Variants in KCNT2 observed in about 807,000 individuals in gnomAD.
The protein encoded by KCNT2 is potassium channel subfamily T member 2.
A neutral mutation model predicts 153.8 loss-of-function variants in KCNT2; 67 were observed. The observed-to-expected ratio is 0.44, with a 90% CI of 0.36 to 0.53. KCNT2 has a LOEUF of 0.53. Among genes scored for constraint, KCNT2 ranks in the 20% least tolerant of loss-of-function variants. The pLI is 0.00. For synonymous variants in KCNT2, 500 were observed against 458.8 expected (o/e 1.09, Z -1.15); for missense variants, 975 against 1,354.8 (o/e 0.72, Z 4.40).
intron 1 of KCNT2, among the ~76,000 whole-genome samples, chr1:196,495,000 C>A (rs1285752963): frequency 8.6e-5 from 13 of 151,762 alleles, no homozygotes. Context: ...AGAGCAAAGG[C>A]AATTTTGCAT....
chr1:196,447,859 A>G (rs1179116408), intron 8 of KCNT2, among the ~76,000 whole-genome samples: 1 of 151,396 alleles, frequency 6.6e-6, no homozygotes, highest in Non-Finnish European at 1.5e-5. Flanking sequence ...TACCTCTATG[A>G]GCATCTAGGC....
At chr1:196,419,988 A>G (rs1241699274) in intron 12 of KCNT2, among the ~76,000 whole-genome samples, 2 of 151,942 alleles carry the variant, frequency 1.3e-5, no homozygotes, top group African/African-American at 4.8e-5. Flanking sequence ...GTGTTTTATA[A>G]AATCCCTTTC....
At chr1:196,512,878 G>A (rs1681748651) in intron 1 of KCNT2, among the ~76,000 whole-genome samples, 1 of 152,044 alleles carries the variant, frequency 6.6e-6, no homozygotes, top group African/African-American at 2.4e-5. Context: ...CTATTCTAAG[G>A]CATGACCTTT....
At chr1:196,523,877 T>C (rs755374719) in intron 1 of KCNT2, among the ~76,000 whole-genome samples, 7 of 152,220 alleles carry the variant, frequency 4.6e-5, no homozygotes, top group Admixed American at 1.3e-4. Context: ...TACTTTGTTT[T>C]GTAAAATGTT....
At chr1:196,385,017 A>T (rs989457419) in intron 13 of KCNT2, among the ~76,000 whole-genome samples, 2 of 152,148 alleles carry the variant, frequency 1.3e-5, no homozygotes, top group Admixed American at 1.3e-4. Context: ...ATAAACTAAC[A>T]TATAAAAAAG....
chr1:196,392,551 G>C (rs182950625), intron 13 of KCNT2, among the ~76,000 whole-genome samples: 1 of 151,518 alleles, frequency 6.6e-6, no homozygotes, highest in East Asian at 1.9e-4. Flanking sequence ...TTACCATTTG[G>C]TGAAAGTCAA....
intron 1 of KCNT2, among the ~76,000 whole-genome samples, chr1:196,601,042 T>TA (rs1481931749): frequency 2.0e-5 from 3 of 152,214 alleles, no homozygotes; most frequent in South Asian, 2.1e-4. Context: ...AAGCCACATG[T>TA]AAAGCCTAGT....
At chr1:196,264,429 C>T (rs577539084) in intron 25 of KCNT2, among the ~76,000 whole-genome samples, 159 of 152,016 alleles carry the variant, frequency 1.0e-3, no homozygotes, top group Non-Finnish European at 1.9e-3. Flanking sequence ...TCTTCTCCAT[C>T]AGCTCAAGAT....
At position 196,592,421 on chromosome 1, in the gene KCNT2, T is replaced by C. The variant is rs979662506; in HGVS notation, c.95+15794A>G. On this transcript the variant is annotated intron_variant, in intron 1 of 27. Transcript: ENST00000294725. ...ATGGGTACCAAAGATAAAAAAGATA[T>C]ATATATATAATCTTATTCATTCTAA... Among the ~76,000 whole-genome samples the C allele has an allele frequency of 9.4e-5, 14 of 149,032 alleles. 1 individual carries two copies. The highest frequency in any genetic ancestry group is 3.2e-4 in the African/African-American group (13 of 40,958).
intron 1 of KCNT2, among the ~76,000 whole-genome samples, chr1:196,546,330 A>G (rs1177886571): frequency 6.6e-6 from 1 of 152,100 alleles, no homozygotes; most frequent in Non-Finnish European, 1.5e-5. Flanking sequence ...ATTTGGTGTT[A>G]CATCATTTGT....
At chr1:196,315,597 C>T (rs1662631597) in intron 21 of KCNT2, among the ~76,000 whole-genome samples, 1 of 151,530 alleles carries the variant, frequency 6.6e-6, no homozygotes, top group East Asian at 2.0e-4. Context: ...GGCTGCTTGT[C>T]AAAACTCATG....
rs533230418 is a variant in KCNT2 at position 196,334,487 on chromosome 1, C to CTTTTTT, written c.1784-433_1784-428dup. On this transcript the variant is annotated intron_variant, in intron 16 of 27. Transcript: ENST00000294725. ...TTTTCTTTTATTTCTTTCTTTCTTT[C>CTTTTTT]TTTTTTTTTTTTAAGACAGAGTCTC... Among the ~76,000 whole-genome samples, 17 of 87,292 alleles carry CTTTTTT rather than the reference C, an allele frequency of 1.9e-4. 5 individuals carry two copies. The highest frequency in any genetic ancestry group is 1.2e-3 in the Admixed American group (9 of 7,388). The allele number at this position is 87,292 out of a possible 152,430, so 57.3% of individuals were successfully genotyped here. A position where few individuals can be genotyped will look rare whatever the true frequency, so the allele number is the denominator to read the frequency against.
At chr1:196,257,956 A>T (rs1656659142) in intron 26 of KCNT2, 1 of 1,143,402 alleles carries the variant, frequency 8.7e-7, no homozygotes, top group African/African-American at 1.6e-5. Context: ...AAATTAAGAT[A>T]ATTCATGTAA....
chr1:196,578,547 G>A (rs945929300), intron 1 of KCNT2, among the ~76,000 whole-genome samples: 4 of 152,156 alleles, frequency 2.6e-5, no homozygotes, highest in Non-Finnish European at 5.9e-5. Flanking sequence ...AGGAAGGGGA[G>A]TTGGCACTTC....
intron 8 of KCNT2, among the ~76,000 whole-genome samples, chr1:196,455,714 C>T (rs998846226): frequency 6.6e-6 from 1 of 151,906 alleles, no homozygotes; most frequent in African/African-American, 2.4e-5. Context: ...TTATTATTGG[C>T]CCTCTTAGAT....
chr1:196,252,873 CCTTT>C (rs1432192763), intron 26 of KCNT2, among the ~76,000 whole-genome samples: 4 of 150,938 alleles, frequency 2.7e-5, no homozygotes, highest in East Asian at 1.9e-4. Flanking sequence ...TCTCAAGATG[CCTTT>C]CTATTTTTTT....
At chr1:196,256,709 AAT>A (rs144323772) in intron 26 of KCNT2, among the ~76,000 whole-genome samples, 3,321 of 143,874 alleles carry the variant, frequency 0.023, 97 homozygotes, top group African/African-American at 0.073. Flanking sequence ...TTATCATGGA[AAT>A]ATATATATAT....
chr1:196,404,839 A>T (rs1671700698), intron 12 of KCNT2, among the ~76,000 whole-genome samples: 1 of 151,678 alleles, frequency 6.6e-6, no homozygotes, highest in African/African-American at 2.4e-5. Context: ...GGTGAATAAG[A>T]AAAACAATAT....
intron 21 of KCNT2, among the ~76,000 whole-genome samples, chr1:196,314,029 T>C (rs1325346702): frequency 1.3e-5 from 2 of 151,616 alleles, no homozygotes; most frequent in Admixed American, 6.6e-5. Context: ...GCACAATTAG[T>C]TGCCATATAT....
Sources: gnomAD v4.1 joint callset for allele counts (sites outside exome capture counted in the v4.1 genomes callset) on GRCh38, gnomAD v4.1.1 for gene constraint, MANE v1.5 for transcripts, NCBI Gene and HGNC (gene_info 2026-07-23, HGNC 2026-07-21) for gene names.